The following GABRB2 variants were observed in gnomAD, a reference collection of about 807,000 sequenced individuals.
GABRB2 encodes the protein gamma-aminobutyric acid type A receptor subunit beta2, also known as gamma-aminobutyric acid receptor subunit beta-2.
GABRB2 carries 16 observed loss-of-function variants against 54.7 expected under a neutral mutation model. The observed-to-expected ratio is 0.29, with a 90% confidence interval of 0.20 to 0.44. The LOEUF (loss-of-function observed/expected upper bound fraction) is 0.44, where lower values mean the gene tolerates loss of function less well. GABRB2 is among the 20% of genes least tolerant of loss of function. The probability of loss-of-function intolerance (pLI) is 1.00; values close to 1 mark genes in which losing one functional copy is unlikely to be tolerated. For synonymous variants in GABRB2, 244 were observed against 233.8 expected, an observed-to-expected ratio of 1.04 and a Z score of -0.40; for missense variants, 355 against 644.0, an observed-to-expected ratio of 0.55 and a Z score of 4.86.
chr5:161,541,477 A>G (rs1184838659), intron 3 of GABRB2, among the ~76,000 whole-genome samples: 2 of 152,182 alleles, frequency 1.3e-5, no homozygotes, highest in African/African-American at 4.8e-5. Context: ...CTCTTATCTA[A>G]TAAAGTCTTT....
intron 9 of GABRB2, among the ~76,000 whole-genome samples, chr5:161,318,990 A>G (rs144443379): frequency 6.6e-6 from 1 of 151,928 alleles, no homozygotes. Flanking sequence ...AACTTCTCAT[A>G]TTGTTTCTAA....
intron 3 of GABRB2, among the ~76,000 whole-genome samples, chr5:161,479,386 T>G (rs1279456529): frequency 6.6e-6 from 1 of 151,964 alleles, no homozygotes; most frequent in Non-Finnish European, 1.5e-5. Flanking sequence ...ACACAGTACT[T>G]CTTACATTGT....
At chr5:161,304,892 A>C (rs977143346) in intron 9 of GABRB2, among the ~76,000 whole-genome samples, 8 of 152,192 alleles carry the variant, frequency 5.3e-5, no homozygotes, top group African/African-American at 1.9e-4. Flanking sequence ...AGTTTCAATT[A>C]AGGTTGAAAG....
intron 5 of GABRB2, among the ~76,000 whole-genome samples, chr5:161,405,994 A>C (rs1208228899): frequency 1.3e-5 from 2 of 152,080 alleles, no homozygotes; most frequent in Non-Finnish European, 2.9e-5. Flanking sequence ...CTGCCTTCCT[A>C]AAGCATGGTG....
chr5:161,514,559 A>G (rs1759876528), intron 3 of GABRB2, among the ~76,000 whole-genome samples: 1 of 152,088 alleles, frequency 6.6e-6, no homozygotes, highest in South Asian at 2.1e-4. Context: ...CCTTTTCTCT[A>G]TCCCTAAAAG....
intron 3 of GABRB2, among the ~76,000 whole-genome samples, chr5:161,530,281 A>G (rs1469518525): frequency 6.6e-6 from 1 of 152,160 alleles, no homozygotes; most frequent in Non-Finnish European, 1.5e-5. Flanking sequence ...CCTAAATGCT[A>G]TATTTGACTA....
intron 9 of GABRB2, among the ~76,000 whole-genome samples, chr5:161,312,525 C>A (rs1757900095): frequency 6.6e-6 from 1 of 152,150 alleles, no homozygotes; most frequent in Admixed American, 6.5e-5. Context: ...ATATTGAAAA[C>A]TCTCAAAACA....
At chr5:161,393,898 T>C (rs528995633) in intron 5 of GABRB2, among the ~76,000 whole-genome samples, 1 of 152,262 alleles carries the variant, frequency 6.6e-6, no homozygotes, top group South Asian at 2.1e-4. Flanking sequence ...ACCATTTTGA[T>C]CTAATTGTCA....
chr5:161,478,308 C>G (rs950888538), intron 3 of GABRB2, among the ~76,000 whole-genome samples: 4 of 151,998 alleles, frequency 2.6e-5, no homozygotes, highest in Non-Finnish European at 2.9e-5. Flanking sequence ...TTTTAAACCT[C>G]ACCTTGAATT....
chr5:161,420,751 T>C (rs1188742636), intron 4 of GABRB2, among the ~76,000 whole-genome samples: 1 of 152,216 alleles, frequency 6.6e-6, no homozygotes, highest in African/African-American at 2.4e-5. Context: ...CATTGCACTC[T>C]CCTCAAATTA....
chr5:161,460,165 C>T lies in GABRB2; in HGVS notation c.238-321G>A, dbSNP rs7713542. On this transcript the variant is annotated intron_variant, in intron 3 of 9. Transcript: ENST00000393959. ...TTCACCATGTTGGACAGGCTGGTCTCGAACTATTGACCTCAGGTAATCTGG... is the reference window on the plus strand; with the variant it reads ...TTCACCATGTTGGACAGGCTGGTCTTGAACTATTGACCTCAGGTAATCTGG... 0.023 allele frequency among the ~76,000 whole-genome samples: 3,433 copies of T among 152,136 alleles called. 61 individuals are homozygous for T. Among genetic ancestry groups the T allele is most frequent in the Non-Finnish European group, 0.034 (2,319 of 67,994 alleles).
In GABRB2 at chr5:161,360,061, C is replaced by T. The variant is rs61450295; in HGVS notation, c.542-23292G>A. Among the ~76,000 whole-genome samples, 665 of 148,322 alleles carry T rather than the reference C, an allele frequency of 4.5e-3. 9 individuals are homozygous for T. The highest frequency in any genetic ancestry group is 0.015 in the African/African-American group (586 of 40,058). ...TTGTGCCACTGCACTACAGCCTTGG[C>T]GACACAGCGAGACTCCGTCTAAAAA... On this transcript the variant is annotated intron_variant, in intron 5 of 9. Coordinates refer to ENST00000393959, the MANE Select transcript of GABRB2 (RefSeq NM_001371727.1).
chr5:161,384,458 T>C (rs1580937324), intron 5 of GABRB2, among the ~76,000 whole-genome samples: 1 of 152,164 alleles, frequency 6.6e-6, no homozygotes, highest in Non-Finnish European at 1.5e-5. Context: ...AAAGTGGAGA[T>C]TGCCTCAGGC....
At chr5:161,504,319 A>G (rs1237863402) in intron 3 of GABRB2, among the ~76,000 whole-genome samples, 1 of 152,206 alleles carries the variant, frequency 6.6e-6, no homozygotes, top group East Asian at 1.9e-4. Flanking sequence ...ATGAGTCTTA[A>G]TAATTTATGA....
At chr5:161,351,965 TAA>T (rs1184470518) in intron 5 of GABRB2, among the ~76,000 whole-genome samples, 1 of 152,060 alleles carries the variant, frequency 6.6e-6, no homozygotes, top group East Asian at 1.9e-4. Flanking sequence ...TCAATCTCAC[TAA>T]TCATCAGAGA....
intron 5 of GABRB2, among the ~76,000 whole-genome samples, chr5:161,351,517 C>G (rs1214372554): frequency 6.6e-6 from 1 of 152,040 alleles, no homozygotes; most frequent in Non-Finnish European, 1.5e-5. Flanking sequence ...GAAATTAAAA[C>G]CCTTGTTCCA....
intron 8 of GABRB2, chr5:161,330,170 T>C (rs1753789911): frequency 6.6e-6 from 1 of 152,190 alleles, no homozygotes; most frequent in Non-Finnish European, 1.5e-5. Flanking sequence ...ACTTAACAAA[T>C]AAACAGGGTT....
chr5:161,433,883 T>C (rs746913351), intron 4 of GABRB2, among the ~76,000 whole-genome samples: 2 of 152,170 alleles, frequency 1.3e-5, no homozygotes, highest in Non-Finnish European at 2.9e-5. Flanking sequence ...AAAATATCAT[T>C]CATCTGTCAA....
At chr5:161,396,110 C>T (rs188857134) in intron 5 of GABRB2, among the ~76,000 whole-genome samples, 74 of 152,152 alleles carry the variant, frequency 4.9e-4, no homozygotes, top group East Asian at 7.7e-4. Flanking sequence ...GAAATTGTTC[C>T]GATACTTTGG....
Sources: gnomAD v4.1 joint callset for allele counts (sites outside exome capture counted in the v4.1 genomes callset) on GRCh38, gnomAD v4.1.1 for gene constraint, MANE v1.5 for transcripts, NCBI Gene and HGNC (gene_info 2026-07-23, HGNC 2026-07-21) for gene names.